The following TTC28 variants were observed in gnomAD, a reference collection of about 807,000 sequenced individuals.
TTC28 encodes tetratricopeptide repeat protein 28.
A neutral mutation model predicts 198.0 loss-of-function variants in TTC28; 61 were observed. That is an observed-to-expected ratio of 0.31 (90% CI 0.25 to 0.38). The LOEUF is 0.38. Ranked by LOEUF, TTC28 falls within the 10% of genes least tolerant of loss-of-function variation. TTC28 has a pLI of 1.00. For synonymous variants in TTC28, 1,171 were observed against 1,297.8 expected (o/e 0.90, Z 2.10); for missense variants, 2,678 against 3,164.0 (o/e 0.85, Z 3.69).
At chr22:28,011,136 T>C (rs1938142053) in intron 14 of TTC28, among the ~76,000 whole-genome samples, 1 of 152,166 alleles carries the variant, frequency 6.6e-6, no homozygotes, top group South Asian at 2.1e-4. Flanking sequence ...GGTGTTTCCA[T>C]TAACCTTCAT....
chr22:28,534,069 C>T (rs548358041), intron 2 of TTC28, among the ~76,000 whole-genome samples: 167 of 152,158 alleles, frequency 1.1e-3, no homozygotes, highest in African/African-American at 3.8e-3. Context: ...TGGGATCTAA[C>T]TAAAGTAAAG....
chr22:27,996,908 C>T (rs1201624505), intron 16 of TTC28, among the ~76,000 whole-genome samples: 9 of 152,314 alleles, frequency 5.9e-5, no homozygotes, highest in Non-Finnish European at 7.4e-5. Context: ...TGGTTTCATC[C>T]AGAACAAAGT....
rs112356531 is a variant in TTC28, at chr22:28,588,495, T to C, written c.381+41057A>G. 1.9e-3 allele frequency among the ~76,000 whole-genome samples: 297 copies of C among 152,328 alleles called. 1 individual carries two copies. Among genetic ancestry groups the C allele is most frequent in the African/African-American group, 6.5e-3 (269 of 41,570 alleles). On this transcript the variant is annotated intron_variant, in intron 2 of 22. Transcript: ENST00000397906. Reference sequence around the variant, plus strand: ...ATCCTCAAATTTAAAGAAAGGCAGGTGTCTCCACAGAGAAATGGGAGAGGA... The same window carrying C: ...ATCCTCAAATTTAAAGAAAGGCAGGCGTCTCCACAGAGAAATGGGAGAGGA...
intron 19 of TTC28, among the ~76,000 whole-genome samples, chr22:27,992,059 G>C (rs1161255943): frequency 6.6e-6 from 1 of 152,178 alleles, no homozygotes; most frequent in Non-Finnish European, 1.5e-5. Context: ...TGTAACACTC[G>C]TCAATCAGCT....
rs140153089 is a variant in TTC28 at position 28,637,302 on chromosome 22, G to A, written c.103-7472C>T. Among the ~76,000 whole-genome samples, 1,092 of 152,234 alleles carry A rather than the reference G, an allele frequency of 7.2e-3. 18 individuals are homozygous for A. The highest frequency in any genetic ancestry group is 0.025 in the African/African-American group (1,028 of 41,538). ...GCTGGGATTATAGGCGTGAGCCACC[G>A]CGCCCAGCCACGTTTAAGTATTTAA... On this transcript the variant is annotated intron_variant, in intron 1 of 22. Coordinates refer to ENST00000397906, the MANE Select transcript of TTC28 (RefSeq NM_001145418.2).
At chr22:28,657,805 G>A (rs1046824871) in intron 1 of TTC28, among the ~76,000 whole-genome samples, 2 of 152,192 alleles carry the variant, frequency 1.3e-5, no homozygotes, top group Admixed American at 1.3e-4. Context: ...CTTGAACCTG[G>A]GAGGCAGAGG....
chr22:28,115,745 A>G (rs1377720988), intron 6 of TTC28, among the ~76,000 whole-genome samples: 2 of 152,234 alleles, frequency 1.3e-5, no homozygotes, highest in African/African-American at 2.4e-5. Context: ...CTTGAAGGAT[A>G]AGTGAAGTTA....
chr22:28,436,807 C>T (rs2047527424), intron 2 of TTC28, among the ~76,000 whole-genome samples: 1 of 152,224 alleles, frequency 6.6e-6, no homozygotes, highest in African/African-American at 2.4e-5. Flanking sequence ...GACTAGAATT[C>T]TCATGCCCAG....
At position 28,599,424 on chromosome 22, in the gene TTC28, G is replaced by A. The variant is rs2050602020; in HGVS notation, c.381+30128C>T. On this transcript the variant is annotated intron_variant, in intron 2 of 22. Transcript: ENST00000397906. ...TTTGCTGAATGTCCACAATCAGCTT[G>A]GCACAATGGCTCATGAACCTTCAGC... is the stretch of plus-strand genomic sequence containing the variant. 2.6e-5 allele frequency among the ~76,000 whole-genome samples: 4 copies of A among 152,180 alleles called. No homozygotes were observed. The South Asian group carries it at 8.3e-4, about 32-fold the overall frequency.
chr22:28,368,447 TG>T (rs1656007842), intron 2 of TTC28, among the ~76,000 whole-genome samples: 1 of 152,092 alleles, frequency 6.6e-6, no homozygotes, highest in East Asian at 1.9e-4. Flanking sequence ...TCATAATGAA[TG>T]GAGAAAAACT....
At chr22:28,578,959 A>T (rs1299894531) in intron 2 of TTC28, among the ~76,000 whole-genome samples, 1 of 152,062 alleles carries the variant, frequency 6.6e-6, no homozygotes, top group Non-Finnish European at 1.5e-5. Flanking sequence ...TAAACTTGAA[A>T]GGCAGTATAG....
intron 13 of TTC28, among the ~76,000 whole-genome samples, chr22:28,020,160 G>C (rs1938533256): frequency 6.6e-6 from 1 of 152,168 alleles, no homozygotes; most frequent in Non-Finnish European, 1.5e-5. Flanking sequence ...GCCCCTCCTG[G>C]GGGCTGCGGC....
chr22:28,529,960 A>G (rs1286141555), intron 2 of TTC28, among the ~76,000 whole-genome samples: 2 of 152,208 alleles, frequency 1.3e-5, no homozygotes, highest in Non-Finnish European at 2.9e-5. Flanking sequence ...GAAAAACCAG[A>G]GCAGAAAAGC....
At chr22:27,985,510 G>A (rs1159568366) in intron 21 of TTC28, among the ~76,000 whole-genome samples, 154 bp from the exon 22 acceptor site, 2 of 152,234 alleles carry the variant, frequency 1.3e-5, no homozygotes, top group Non-Finnish European at 2.9e-5. Context: ...TCTGCACAGA[G>A]GTTGGTCATG....
chr22:28,388,295 T>C (rs1356138500), intron 2 of TTC28, among the ~76,000 whole-genome samples: 2 of 152,254 alleles, frequency 1.3e-5, no homozygotes, highest in Admixed American at 6.5e-5. Flanking sequence ...TCCAGCTTTG[T>C]TCTTTTGGCT....
At chr22:28,122,327 TA>T (rs1222227093) in intron 6 of TTC28, among the ~76,000 whole-genome samples, 6 of 152,230 alleles carry the variant, frequency 3.9e-5, no homozygotes, top group Non-Finnish European at 5.9e-5. Context: ...TTATTATCCT[TA>T]AACCTCTGAA....
intron 2 of TTC28, among the ~76,000 whole-genome samples, chr22:28,623,366 A>G (rs367639480): frequency 1.3e-5 from 2 of 152,220 alleles, no homozygotes; most frequent in South Asian, 4.1e-4. Context: ...GTATATGTTA[A>G]TAATAGAGCT....
chr22:28,046,189 T>C (rs1429826932), intron 12 of TTC28, among the ~76,000 whole-genome samples: 7 of 152,236 alleles, frequency 4.6e-5, no homozygotes, highest in Non-Finnish European at 8.8e-5. Flanking sequence ...CTTCATCTAC[T>C]TTCTTTTAAT....
At position 28,343,717 on chromosome 22, in the gene TTC28, G is replaced by C. The variant is rs181645905; in HGVS notation, c.382-37074C>G. Among the ~76,000 whole-genome samples the C allele has an allele frequency of 1.1e-4, 17 of 152,302 alleles. No individual in the cohort carries two copies. The East Asian group carries it at 3.3e-3, about 29-fold the overall frequency. On this transcript the variant is annotated intron_variant, in intron 2 of 22. Transcript: ENST00000397906. ...CATCTATAAACATCTACTGGAGCCT[G>C]TTCTGTCTGCACCAACATTTTCATT...
Sources: allele counts gnomAD v4.1 joint callset (sites outside exome capture counted in the v4.1 genomes callset), GRCh38; gene constraint gnomAD v4.1.1; transcripts MANE v1.5; gene names NCBI Gene and HGNC (gene_info 2026-07-23, HGNC 2026-07-21).